Variants in FILIP1L observed in about 807,000 individuals in gnomAD.
The protein encoded by FILIP1L is filamin A interacting protein 1 like.
Under a neutral mutation model 96.6 loss-of-function variants are expected in FILIP1L, and 55 were observed. That is an observed-to-expected ratio of 0.57 (90% CI 0.46 to 0.71). FILIP1L has a LOEUF of 0.71. FILIP1L is among the 30% of genes least tolerant of loss of function. FILIP1L has a pLI of 0.00. For missense variants in FILIP1L, 1,304 were observed against 1,321.2 expected (o/e 0.99, Z 0.20); for synonymous variants, 467 against 473.9 (o/e 0.99, Z 0.19).
chr3:99,918,783 A>G (rs1707034288), intron 4 of FILIP1L, among the ~76,000 whole-genome samples: 1 of 152,188 alleles, frequency 6.6e-6, no homozygotes. Context: ...TCATGTCATA[A>G]TTCTGTATAG....
intron 4 of FILIP1L, among the ~76,000 whole-genome samples, chr3:99,915,152 A>G (rs1706912043): frequency 6.6e-6 from 1 of 152,058 alleles, no homozygotes; most frequent in Non-Finnish European, 1.5e-5. Flanking sequence ...TCCTCATCAA[A>G]ATGGGCTTGT....
rs139790305 is a variant in FILIP1L at position 99,949,858 on chromosome 3, T to C, written c.-10-18828A>G. On this transcript the variant is annotated intron_variant, in intron 1 of 5. Coordinates refer to ENST00000477258, the MANE Select transcript of FILIP1L (RefSeq NM_001387850.1). ...TTGTTCATATTTTCCTTAAAATCCATCACAATTATTACCAAGGACATTCTT... is the reference window on the plus strand; with the variant it reads ...TTGTTCATATTTTCCTTAAAATCCACCACAATTATTACCAAGGACATTCTT... 7.2e-3 allele frequency among the ~76,000 whole-genome samples: 1,104 copies of C among 152,324 alleles called. 19 individuals are homozygous for C. Among genetic ancestry groups the C allele is most frequent in the African/African-American group, 0.024 (1,017 of 41,576 alleles).
At chr3:99,836,707 C>G (rs976026319) in intron 5 of FILIP1L, among the ~76,000 whole-genome samples, 1 of 152,180 alleles carries the variant, frequency 6.6e-6, no homozygotes, top group African/African-American at 2.4e-5. Context: ...GAACAGCCAC[C>G]TAAGGAGGCA....
chr3:99,896,213 A>G (rs1706247118), intron 4 of FILIP1L, among the ~76,000 whole-genome samples: 1 of 152,372 alleles, frequency 6.6e-6, no homozygotes, highest in African/African-American at 2.4e-5. Flanking sequence ...AGTAGGTCAG[A>G]GATTCCTTTC....
chr3:100,071,845 A>G (rs1029325568), intron 1 of FILIP1L, among the ~76,000 whole-genome samples: 1 of 152,078 alleles, frequency 6.6e-6, no homozygotes, highest in Non-Finnish European at 1.5e-5. Flanking sequence ...TGGGCACCCA[A>G]CTTCATTATT....
chr3:99,869,428 A>T (rs957427514), intron 4 of FILIP1L, among the ~76,000 whole-genome samples: 1 of 152,214 alleles, frequency 6.6e-6, no homozygotes, highest in Non-Finnish European at 1.5e-5. Context: ...TAATGTATTT[A>T]TTTTAATAAT....
chr3:99,852,690 TGCCTCG>T (rs1943761710), intron 4 of FILIP1L, among the ~76,000 whole-genome samples: 1 of 152,090 alleles, frequency 6.6e-6, no homozygotes, highest in South Asian at 2.1e-4. Flanking sequence ...GTGATCCACC[TGCCTCG>T]GCCTCCCAAA....
intron 1 of FILIP1L, among the ~76,000 whole-genome samples, chr3:99,997,060 A>T (rs1279647633): frequency 1.3e-5 from 2 of 152,234 alleles, no homozygotes; most frequent in African/African-American, 4.8e-5. Flanking sequence ...TGAAATTAAC[A>T]ACCTAACATC....
At chr3:99,891,151 C>T (rs1367323574) in intron 4 of FILIP1L, among the ~76,000 whole-genome samples, 2 of 151,120 alleles carry the variant, frequency 1.3e-5, no homozygotes, top group Non-Finnish European at 2.9e-5. Flanking sequence ...AGTTTATTTT[C>T]CCTCTAACTC....
At chr3:100,089,495 T>G (rs2066067330) in intron 1 of FILIP1L, among the ~76,000 whole-genome samples, 1 of 152,244 alleles carries the variant, frequency 6.6e-6, no homozygotes, top group South Asian at 2.1e-4. Context: ...GATGAAGATA[T>G]GAAGATTTTT....
chr3:100,025,683 C>T (rs1460178273), intron 1 of FILIP1L: 6 of 152,054 alleles, frequency 3.9e-5, no homozygotes, highest in African/African-American at 1.4e-4. Flanking sequence ...CCAGGTCGTC[C>T]ACAGAGACAT....
At chr3:100,011,584 T>C (rs1559724626) in intron 1 of FILIP1L, 1 of 152,194 alleles carries the variant, frequency 6.6e-6, no homozygotes, top group Non-Finnish European at 1.5e-5. Flanking sequence ...TTAGCACTTA[T>C]TGTTGCTGAT....
At chr3:99,844,265 G>T (rs530679499) in intron 5 of FILIP1L, among the ~76,000 whole-genome samples, 1 of 152,274 alleles carries the variant, frequency 6.6e-6, no homozygotes, top group Non-Finnish European at 1.5e-5. Context: ...CGCCCCCAGA[G>T]GTTCTCATTG....
chr3:99,906,402 G>A (rs1286063384), intron 4 of FILIP1L, among the ~76,000 whole-genome samples: 1 of 152,010 alleles, frequency 6.6e-6, no homozygotes, highest in Non-Finnish European at 1.5e-5. Flanking sequence ...TGGTTTATAG[G>A]AGTTGTTCAT....
chr3:100,054,903 T>C (rs906350665), intron 1 of FILIP1L, among the ~76,000 whole-genome samples: 15 of 152,214 alleles, frequency 9.9e-5, no homozygotes, highest in Non-Finnish European at 2.9e-5. Context: ...CTCATGTTAT[T>C]CTGTTAAGCT....
intron 4 of FILIP1L, among the ~76,000 whole-genome samples, chr3:99,855,266 A>G (rs879344668): frequency 1.3e-5 from 2 of 152,224 alleles, no homozygotes; most frequent in African/African-American, 2.4e-5. Flanking sequence ...GGGGAACAAA[A>G]TGACTCAAAA....
intron 1 of FILIP1L, among the ~76,000 whole-genome samples, chr3:100,035,431 G>A (rs2065091560): frequency 6.6e-6 from 1 of 151,950 alleles, no homozygotes; most frequent in Non-Finnish European, 1.5e-5. Context: ...ATGCCACCAC[G>A]CCCAGCTAAT....
chr3:100,062,110 T>C (rs2065579651), intron 1 of FILIP1L, among the ~76,000 whole-genome samples: 1 of 72,378 alleles, frequency 1.4e-5, no homozygotes. Context: ...TTTTTTTTTT[T>C]TTTTTTTTTT....
chr3:99,897,225 G>A (rs1204515142), intron 4 of FILIP1L, among the ~76,000 whole-genome samples: 2 of 152,188 alleles, frequency 1.3e-5, no homozygotes, highest in East Asian at 3.9e-4. Context: ...CGGGTGTTGT[G>A]GTGCACACCT....
Sources: gnomAD v4.1 joint callset for allele counts (sites outside exome capture counted in the v4.1 genomes callset) on GRCh38, gnomAD v4.1.1 for gene constraint, MANE v1.5 for transcripts, NCBI Gene and HGNC (gene_info 2026-07-23, HGNC 2026-07-21) for gene names.